TBL1X: variants seen among roughly 807,000 people sequenced by gnomAD.
The protein encoded by TBL1X is transducin beta like 1 X-linked, also known as F-box-like/WD repeat-containing protein TBL1X.
Under a neutral mutation model 50.7 loss-of-function variants are expected in TBL1X, and 10 were observed. The ratio of observed to expected loss-of-function variants is 0.20; its 90% CI spans 0.12 to 0.33. TBL1X has a LOEUF of 0.33. TBL1X is among the 10% of genes least tolerant of loss of function. The pLI, the probability that TBL1X is intolerant of heterozygous loss-of-function variation, is 1.00. For missense variants in TBL1X, 340 were observed against 504.4 expected, an observed-to-expected ratio of 0.67 and a Z score of 3.12; for synonymous variants, 190 against 214.7, an observed-to-expected ratio of 0.88 and a Z score of 1.01.
intron 5 of TBL1X, among the ~76,000 whole-genome samples, chrX:9,677,799 G>A (rs1364620810): frequency 9.0e-6 from 1 of 111,630 alleles, no homozygotes; most frequent in Non-Finnish European, 1.9e-5. Flanking sequence ...AACCCTTCAG[G>A]TTTTGTTGGC....
intron 2 of TBL1X, among the ~76,000 whole-genome samples, chrX:9,594,401 A>T (rs370798125): frequency 2.0e-4 from 23 of 112,314 alleles, no homozygotes; most frequent in African/African-American, 7.4e-4. Flanking sequence ...TTCTAGGAGA[A>T]TAAATAGCCA....
intron 1 of TBL1X, among the ~76,000 whole-genome samples, chrX:9,478,845 ACCT>A (rs2081863667): frequency 8.9e-6 from 1 of 112,148 alleles, no homozygotes; most frequent in African/African-American, 3.2e-5. Context: ...CTTTGGAGAT[ACCT>A]CCTGCGTTCA....
intron 1 of TBL1X, among the ~76,000 whole-genome samples, chrX:9,484,284 G>C (rs1234004622): frequency 9.0e-6 from 1 of 110,940 alleles, no homozygotes; most frequent in African/African-American, 3.3e-5. Flanking sequence ...GATTACTACG[G>C]GTGTGAGCCA....
At chrX:9,619,578 AC>A (rs979738477) in intron 2 of TBL1X, among the ~76,000 whole-genome samples, 4 of 112,343 alleles carry the variant, frequency 3.6e-5, no homozygotes, top group African/African-American at 1.3e-4. Context: ...TGTCTCTCAT[AC>A]ATTCAATGTT....
At chrX:9,560,135 T>G (rs2082318108) in intron 2 of TBL1X, among the ~76,000 whole-genome samples, 2 of 112,249 alleles carry the variant, frequency 1.8e-5, no homozygotes, top group Admixed American at 1.9e-4. Flanking sequence ...AAACTAGTTA[T>G]GTCACCTGTG....
At chrX:9,466,046 C>T (rs1357936311) in intron 1 of TBL1X, among the ~76,000 whole-genome samples, 1 of 112,886 alleles carries the variant, frequency 8.9e-6, no homozygotes, top group East Asian at 2.8e-4. Flanking sequence ...AAGTCGGGAG[C>T]CCCAGTCCTC....
At chrX:9,659,367 T>C (rs1158406105) in intron 5 of TBL1X, among the ~76,000 whole-genome samples, 1 of 73,717 alleles carries the variant, frequency 1.4e-5, no homozygotes, top group East Asian at 6.0e-4. Flanking sequence ...TATTGTGTGG[T>C]CCTGAGAGTG....
At chrX:9,711,479 A>T (rs765489385) in intron 15 of TBL1X, 132 bp from the exon 16 acceptor site, 2 of 611,398 alleles carry the variant, frequency 3.3e-6, no homozygotes, top group Non-Finnish European at 4.6e-6. Flanking sequence ...AGAAGACAAA[A>T]AGCTTTTTAG....
In TBL1X at chrX:9,465,119, C is replaced by T. The variant is rs1022495193; in HGVS notation, c.-529C>T. On this transcript the variant is annotated 5_prime_UTR_variant, in exon 1 of 18. Transcript: ENST00000645353. ...TGCCAGTCCCTCCCGCTGTCCCGCC[C>T]TCTCCCGCTGCCGCCGCCGCCGCCG... The T allele has an allele frequency of 8.1e-4, 91 of 113,001 alleles. 1 individual carries two copies. Among genetic ancestry groups the T allele is most frequent in the Admixed American group, 1.2e-3 (13 of 10,619 alleles). 9.3% of individuals were successfully genotyped at this position (113,001 alleles called of 1,213,427 possible). A position where few individuals can be genotyped will look rare whatever the true frequency, so the allele number is the denominator to read the frequency against.
chrX:9,552,736 C>A (rs981002067), intron 2 of TBL1X, among the ~76,000 whole-genome samples: 4 of 112,170 alleles, frequency 3.6e-5, no homozygotes, highest in Non-Finnish European at 7.5e-5. Context: ...CAAAATGGTC[C>A]TTGGTAGCTG....
intron 1 of TBL1X, among the ~76,000 whole-genome samples, chrX:9,477,911 G>T (rs975539810): frequency 2.7e-5 from 3 of 111,865 alleles, no homozygotes; most frequent in Non-Finnish European, 5.6e-5. Flanking sequence ...TTTTAGAGTT[G>T]TGCTTCCAAG....
chrX:9,641,243 C>G (rs2082774369), intron 3 of TBL1X, among the ~76,000 whole-genome samples: 1 of 111,764 alleles, frequency 8.9e-6, no homozygotes, highest in South Asian at 3.7e-4. Flanking sequence ...GGTTTCCTGA[C>G]TAGCACACCA....
intron 5 of TBL1X, among the ~76,000 whole-genome samples, chrX:9,670,879 G>T (rs1218152947): frequency 3.6e-5 from 4 of 112,563 alleles, no homozygotes; most frequent in Non-Finnish European, 7.5e-5. Flanking sequence ...TTATGAAACA[G>T]TGAAGGCCAG....
At chrX:9,546,208 A>AT (rs2082241368) in intron 2 of TBL1X, among the ~76,000 whole-genome samples, 1 of 111,932 alleles carries the variant, frequency 8.9e-6, no homozygotes, top group African/African-American at 3.2e-5. Context: ...CCATAAATTA[A>AT]TTAGTCCAGC....
intron 2 of TBL1X, among the ~76,000 whole-genome samples, chrX:9,545,478 T>C (rs2082237630): frequency 9.2e-6 from 1 of 108,134 alleles, no homozygotes; most frequent in Non-Finnish European, 1.9e-5. Context: ...GCCCAGGAGT[T>C]CAAGGCTTGT....
chrX:9,687,481 G>A (rs1056391952), intron 6 of TBL1X, among the ~76,000 whole-genome samples: 26 of 111,190 alleles, frequency 2.3e-4, no homozygotes, highest in African/African-American at 8.2e-4. Flanking sequence ...ACGTGGGCAG[G>A]TCTTCTCCAC....
At chrX:9,568,675 CTG>C (rs1222626220) in intron 2 of TBL1X, among the ~76,000 whole-genome samples, 1 of 100,545 alleles carries the variant, frequency 9.9e-6, no homozygotes, top group South Asian at 4.7e-4. Flanking sequence ...GTGCAGTGTG[CTG>C]TGTGTGTGTC....
chrX:9,570,117 C>T (rs777135266), intron 2 of TBL1X, among the ~76,000 whole-genome samples: 27 of 112,148 alleles, frequency 2.4e-4, no homozygotes, highest in Non-Finnish European at 4.7e-4. Context: ...AGAACAATTG[C>T]GTTTTGTGGT....
chrX:9,491,330 A>ATTTT (rs1569205520), intron 1 of TBL1X, among the ~76,000 whole-genome samples: 1 of 22,727 alleles, frequency 4.4e-5, no homozygotes, highest in African/African-American at 1.8e-4. Context: ...ATATATATAT[A>ATTTT]TATATATATT....
Sources: gnomAD v4.1 joint callset for allele counts (sites outside exome capture counted in the v4.1 genomes callset) on GRCh38, gnomAD v4.1.1 for gene constraint, MANE v1.5 for transcripts, NCBI Gene and HGNC (gene_info 2026-07-23, HGNC 2026-07-21) for gene names.